The following PDZRN4 variants were observed in gnomAD, a reference collection of about 807,000 sequenced individuals.
PDZRN4 encodes PDZ domain containing ring finger 4, also known as PDZ domain-containing RING finger protein 4.
In PDZRN4, 70 loss-of-function variants were observed where a neutral mutation model predicts 99.0. That is an observed-to-expected ratio of 0.71 (90% CI 0.58 to 0.86). The LOEUF (loss-of-function observed/expected upper bound fraction) is 0.86, where lower values mean the gene tolerates loss of function less well. Among genes scored for constraint, PDZRN4 ranks in the 40% least tolerant of loss-of-function variants. The probability of loss-of-function intolerance (pLI) is 0.00; values close to 1 mark genes in which losing one functional copy is unlikely to be tolerated. For synonymous variants in PDZRN4, 551 were observed against 501.6 expected (o/e 1.10, Z -1.32); for missense variants, 1,474 against 1,331.2 (o/e 1.11, Z -1.67).
rs549213750 is a variant in PDZRN4 at position 41,429,815 on chromosome 12, G to A, written c.844-76641G>A. Among the ~76,000 whole-genome samples, 8 of 134,094 alleles carry A rather than the reference G, an allele frequency of 6.0e-5. No individual in the cohort carries two copies. The South Asian group carries it at 6.3e-4, about 11-fold the overall frequency. 88.0% of individuals were successfully genotyped at this position (134,094 alleles called of 152,430 possible). A position where few individuals can be genotyped will look rare whatever the true frequency, so the allele number is the denominator to read the frequency against. On this transcript the variant is annotated intron_variant, in intron 3 of 9. Coordinates refer to ENST00000402685, the MANE Select transcript of PDZRN4 (RefSeq NM_001164595.2). Reference sequence around the variant, plus strand: ...AGCTCTTATTTTTTAAAATGTCTACGTATTATCACTGCTGTACTTACACTA... The same window carrying A: ...AGCTCTTATTTTTTAAAATGTCTACATATTATCACTGCTGTACTTACACTA...
At chr12:41,463,106 C>T (rs1378009164) in intron 3 of PDZRN4, among the ~76,000 whole-genome samples, 1 of 152,192 alleles carries the variant, frequency 6.6e-6, no homozygotes, top group East Asian at 1.9e-4. Context: ...TCTACAAAAT[C>T]ACCAAATCAG....
At position 41,470,406 on chromosome 12, in the gene PDZRN4, G is replaced by A. The variant is rs1041924675; in HGVS notation, c.844-36050G>A. Among the ~76,000 whole-genome samples the A allele has an allele frequency of 3.9e-5, 6 of 152,134 alleles. 1 individual carries two copies. In the South Asian group the frequency reaches 6.2e-4, roughly 16 times the overall value. On this transcript the variant is annotated intron_variant, in intron 3 of 9. Transcript: ENST00000402685. ...GTTTTTGTGTTGTTTGTTTGTTTTT[G>A]TTTGTTGGTGGGACACCTTCCTCCA... is the stretch of plus-strand genomic sequence containing the variant.
chr12:41,448,105 G>A (rs1952744522), intron 3 of PDZRN4, among the ~76,000 whole-genome samples: 1 of 152,048 alleles, frequency 6.6e-6, no homozygotes, highest in Non-Finnish European at 1.5e-5. Flanking sequence ...AGTATGGGAA[G>A]GTGACTTGTC....
intron 3 of PDZRN4, among the ~76,000 whole-genome samples, chr12:41,259,102 A>G (rs891718347): frequency 1.3e-5 from 2 of 152,146 alleles, no homozygotes; most frequent in African/African-American, 4.8e-5. Context: ...CAAACTTACC[A>G]AAAGTATAAT....
In PDZRN4 at chr12:41,188,335, C is replaced by T. The variant is rs373596410; in HGVS notation, c.-121C>T. Reference sequence around the variant, plus strand: ...AAACAGTGAGATCACACCTCCCACCCGCCACCTCCCTCCACTGCCGCCGCC... The same window carrying T: ...AAACAGTGAGATCACACCTCCCACCTGCCACCTCCCTCCACTGCCGCCGCC... On this transcript the variant is annotated 5_prime_UTR_variant, in exon 1 of 10. Transcript: ENST00000402685. 3.6e-5 allele frequency: 32 copies of T among 894,074 alleles called. No individual in the cohort carries two copies. The East Asian group carries it at 6.3e-4, about 18-fold the overall frequency. 55.4% of individuals were successfully genotyped at this position (894,074 alleles called of 1,614,324 possible).
At chr12:41,272,094 A>C (rs1053275724) in intron 3 of PDZRN4, among the ~76,000 whole-genome samples, 3 of 151,972 alleles carry the variant, frequency 2.0e-5, no homozygotes, top group African/African-American at 7.2e-5. Flanking sequence ...GGCAAAAAAA[A>C]TTTAACTTGT....
At chr12:41,292,140 A>G (rs1951460445) in intron 3 of PDZRN4, among the ~76,000 whole-genome samples, 1 of 152,238 alleles carries the variant, frequency 6.6e-6, no homozygotes, top group African/African-American at 2.4e-5. Context: ...TAGGCAAGAA[A>G]GAGATGTAAT....
chr12:41,249,855 G>A (rs566903765), intron 3 of PDZRN4, among the ~76,000 whole-genome samples: 1 of 152,268 alleles, frequency 6.6e-6, no homozygotes, highest in South Asian at 2.1e-4. Context: ...ATAGAGTTTG[G>A]ATTTGGCAAC....
chr12:41,191,352 CT>C (rs1950734047), intron 1 of PDZRN4, 105 bp from the exon 2 acceptor site: 1 of 634,358 alleles, frequency 1.6e-6, no homozygotes, highest in Admixed American at 3.2e-5. Flanking sequence ...TAAAGTTTTC[CT>C]CTTTTCACAT....
At chr12:41,395,686 T>A (rs1383664156) in intron 3 of PDZRN4, among the ~76,000 whole-genome samples, 1 of 152,188 alleles carries the variant, frequency 6.6e-6, no homozygotes, top group Non-Finnish European at 1.5e-5. Context: ...CTCAAAACTA[T>A]CTTCAAAGTA....
At chr12:41,232,530 G>A (rs917795417) in intron 3 of PDZRN4, among the ~76,000 whole-genome samples, 2 of 152,082 alleles carry the variant, frequency 1.3e-5, no homozygotes, top group African/African-American at 4.8e-5. Flanking sequence ...TAGCACATCA[G>A]GAGAGGGATA....
intron 3 of PDZRN4, among the ~76,000 whole-genome samples, chr12:41,381,471 G>A (rs1159575205): frequency 6.6e-6 from 1 of 151,932 alleles, no homozygotes; most frequent in South Asian, 2.1e-4. Context: ...CAAACAACCT[G>A]TCTTCAAGTT....
chr12:41,198,198 G>A (rs966141386), intron 3 of PDZRN4, among the ~76,000 whole-genome samples: 10 of 152,028 alleles, frequency 6.6e-5, no homozygotes, highest in East Asian at 3.9e-4. Context: ...GATTACAGGC[G>A]TGAGCCATAG....
intron 3 of PDZRN4, among the ~76,000 whole-genome samples, chr12:41,501,484 A>G (rs1457677338): frequency 6.6e-6 from 1 of 152,188 alleles, no homozygotes; most frequent in Non-Finnish European, 1.5e-5. Context: ...AAAAGGGTAG[A>G]TGATTCATTA....
At chr12:41,228,126 T>G (rs1951007262) in intron 3 of PDZRN4, among the ~76,000 whole-genome samples, 1 of 152,078 alleles carries the variant, frequency 6.6e-6, no homozygotes, top group Non-Finnish European at 1.5e-5. Flanking sequence ...TATGGAGCCA[T>G]AAAGACTGAA....
chr12:41,206,364 T>A (rs1293418527), intron 3 of PDZRN4, among the ~76,000 whole-genome samples: 2 of 151,930 alleles, frequency 1.3e-5, no homozygotes, highest in Non-Finnish European at 1.5e-5. Context: ...TGTGTTTTTT[T>A]AATTTCATCC....
chr12:41,562,381 A>G (rs1053954669), intron 7 of PDZRN4, among the ~76,000 whole-genome samples: 1 of 152,208 alleles, frequency 6.6e-6, no homozygotes, highest in African/African-American at 2.4e-5. Context: ...GAAAAACCTC[A>G]ATAGTCTACT....
At chr12:41,237,251 A>G (rs1180853749) in intron 3 of PDZRN4, among the ~76,000 whole-genome samples, 2 of 152,106 alleles carry the variant, frequency 1.3e-5, no homozygotes, top group African/African-American at 4.8e-5. Flanking sequence ...TGATGAAATA[A>G]AGTAATTATT....
chr12:41,257,424 T>G (rs1951210854), intron 3 of PDZRN4, among the ~76,000 whole-genome samples: 1 of 152,186 alleles, frequency 6.6e-6, no homozygotes, highest in African/African-American at 2.4e-5. Context: ...AGGCCCTGCC[T>G]TCTAATACCA....
Sources: gnomAD v4.1 joint callset for allele counts (sites outside exome capture counted in the v4.1 genomes callset) on GRCh38, gnomAD v4.1.1 for gene constraint, MANE v1.5 for transcripts, NCBI Gene and HGNC (gene_info 2026-07-23, HGNC 2026-07-21) for gene names.